Variants in ZBTB44 observed in about 807,000 individuals in gnomAD.
ZBTB44 encodes the protein zinc finger and BTB domain-containing protein 44.
In ZBTB44, 15 loss-of-function variants were observed where a neutral mutation model predicts 54.0. The ratio of observed to expected loss-of-function variants is 0.28; its 90% CI spans 0.19 to 0.43. The LOEUF is 0.43. Among genes scored for constraint, ZBTB44 ranks in the 20% least tolerant of loss-of-function variants. ZBTB44 has a pLI of 1.00. For synonymous variants in ZBTB44, 230 were observed against 250.1 expected (o/e 0.92, Z 0.76); for missense variants, 487 against 707.1 (o/e 0.69, Z 3.53).
intron 1 of ZBTB44, among the ~76,000 whole-genome samples, chr11:130,297,203 T>TC (rs1478468664): frequency 3.3e-5 from 5 of 152,340 alleles, no homozygotes; most frequent in Admixed American, 2.6e-4. Context: ...CACTGTAACT[T>TC]CTATCAAGTC....
At chr11:130,276,376 C>T (rs1940100081) in intron 1 of ZBTB44, among the ~76,000 whole-genome samples, 1 of 151,318 alleles carries the variant, frequency 6.6e-6, no homozygotes, top group African/African-American at 2.4e-5. Flanking sequence ...TCAGTTAGGT[C>T]TAGTTGGTTT....
chr11:130,234,847 C>T (rs989675533), intron 5 of ZBTB44, among the ~76,000 whole-genome samples: 2 of 152,084 alleles, frequency 1.3e-5, no homozygotes, highest in African/African-American at 2.4e-5. Context: ...GAAATGAATG[C>T]CTTGAGATTG....
chr11:130,306,855 C>CAT (rs1479570044), intron 1 of ZBTB44, among the ~76,000 whole-genome samples: 2 of 151,986 alleles, frequency 1.3e-5, no homozygotes, highest in African/African-American at 2.4e-5. Context: ...GACGCAAAAG[C>CAT]ATATGAAGGA....
chr11:130,239,741 G>C, intron 3 of ZBTB44, 71 bp downstream of exon 3: 1 of 1,250,660 alleles, frequency 8.0e-7, no homozygotes, highest in East Asian at 2.4e-5. Context: ...CAACTCTTGA[G>C]ATGAAATGCT....
intron 2 of ZBTB44, among the ~76,000 whole-genome samples, chr11:130,242,753 A>G (rs2136306323): frequency 6.6e-6 from 1 of 152,156 alleles, no homozygotes; most frequent in South Asian, 2.1e-4. Flanking sequence ...TTTCTCTACA[A>G]TGTATCTAGG....
intron 1 of ZBTB44, among the ~76,000 whole-genome samples, chr11:130,293,377 G>A (rs1185335677): frequency 1.3e-5 from 2 of 151,540 alleles, no homozygotes; most frequent in Non-Finnish European, 2.9e-5. Context: ...AAGAGGCTGA[G>A]GCAGGAGGAT....
chr11:130,240,238 C>G (rs1954303085), intron 2 of ZBTB44, among the ~76,000 whole-genome samples: 1 of 152,012 alleles, frequency 6.6e-6, no homozygotes, highest in South Asian at 2.1e-4. Flanking sequence ...GACAGGGTTT[C>G]ACTGTGTTAG....
chr11:130,303,378 T>C (rs1045493165), intron 1 of ZBTB44, among the ~76,000 whole-genome samples: 4 of 152,192 alleles, frequency 2.6e-5, no homozygotes, highest in African/African-American at 9.7e-5. Context: ...GCTCACACGT[T>C]TAATCCCGGC....
rs994223469 is a variant in ZBTB44, at chr11:130,228,634, G to T, written c.*3130C>A. 2.6e-5 allele frequency: 4 copies of T among 152,174 alleles called. No homozygotes were observed. Among genetic ancestry groups the T allele is most frequent in the African/African-American group, 9.7e-5 (4 of 41,442 alleles). The allele number at this position is 152,174 out of a possible 1,614,324, so 9.4% of individuals were successfully genotyped here. On this transcript the variant is annotated 3_prime_UTR_variant, in exon 8 of 8. Transcript: ENST00000357899. ...GAGATGACAGGGCTCCCTTAAAGCAGGAAGATTTATCCTTCCTCAGCAGGT... is the reference window on the plus strand; with the variant it reads ...GAGATGACAGGGCTCCCTTAAAGCATGAAGATTTATCCTTCCTCAGCAGGT...
Position 130,303,860 on chromosome 11 carries a change from CTAAT to C in ZBTB44, c.-57+10511_-57+10514del, listed in dbSNP as rs578066864. 1.0e-3 allele frequency among the ~76,000 whole-genome samples: 152 copies of C among 152,022 alleles called. No homozygotes were observed. The Middle Eastern group carries it at 0.01, about 10-fold the overall frequency. On this transcript the variant is annotated intron_variant, in intron 1 of 7. Transcript: ENST00000357899. ...TGGAGACAAAGAAGGATGTTATTCT[CTAAT>C]TAATAAGCTTCAGCCACCCATTTCA...
chr11:130,264,230 C>G (rs1003723856), intron 1 of ZBTB44, among the ~76,000 whole-genome samples: 1 of 152,178 alleles, frequency 6.6e-6, no homozygotes, highest in Admixed American at 6.6e-5. Context: ...ATAATCAATG[C>G]TATAGAAACA....
intron 4 of ZBTB44, among the ~76,000 whole-genome samples, chr11:130,237,570 G>C (rs1226665266): frequency 6.6e-6 from 1 of 152,188 alleles, no homozygotes; most frequent in Non-Finnish European, 1.5e-5. Flanking sequence ...GAGCATGACA[G>C]AACCATCATT....
rs1054949187 is a variant in ZBTB44, at chr11:130,230,109, C to T, written c.*1655G>A. 3.3e-5 allele frequency: 5 copies of T among 151,930 alleles called. No individual in the cohort carries two copies. The highest frequency in any genetic ancestry group is 4.4e-5 in the Non-Finnish European group (3 of 67,908). The allele number at this position is 151,930 out of a possible 1,614,324, so 9.4% of individuals were successfully genotyped here. On this transcript the variant is annotated 3_prime_UTR_variant, in exon 8 of 8. Coordinates refer to ENST00000357899, the MANE Select transcript of ZBTB44 (RefSeq NM_001301098.2). ...TCTGTTACAGAATTGCCACATTATACAGTAATGTATTTTTCAAGGACTATT... is the reference window on the plus strand; with the variant it reads ...TCTGTTACAGAATTGCCACATTATATAGTAATGTATTTTTCAAGGACTATT...
At chr11:130,257,433 A>G (rs1292136884) in intron 2 of ZBTB44, among the ~76,000 whole-genome samples, 1 of 152,044 alleles carries the variant, frequency 6.6e-6, no homozygotes, top group Non-Finnish European at 1.5e-5. Flanking sequence ...CAAAACAGAG[A>G]GACAGGGAAG....
chr11:130,306,678 A>G (rs1334199529), intron 1 of ZBTB44, among the ~76,000 whole-genome samples: 1 of 152,184 alleles, frequency 6.6e-6, no homozygotes, highest in Admixed American at 6.5e-5. Context: ...TCAAACAACG[A>G]GCAGATAAAG....
chr11:130,299,637 TA>T (rs58746791), intron 1 of ZBTB44, among the ~76,000 whole-genome samples: 79 of 138,918 alleles, frequency 5.7e-4, no homozygotes, highest in African/African-American at 4.5e-4. Flanking sequence ...AATGTAATAG[TA>T]AAAAAAAAAA....
In ZBTB44 at chr11:130,263,748, G is replaced by A. The variant is rs79665406; in HGVS notation, c.-56-1819C>T. 6.2e-3 allele frequency among the ~76,000 whole-genome samples: 946 copies of A among 152,292 alleles called. 3 individuals carry two copies. The highest frequency in any genetic ancestry group is 0.021 in the Middle Eastern group (6 of 292). On this transcript the variant is annotated intron_variant, in intron 1 of 7. Transcript: ENST00000357899. ...TTACATCCACCTTCAGTCATCTTCC[G>A]TGTTCAAAGAGTAGATATGAAAAGG...
intron 1 of ZBTB44, among the ~76,000 whole-genome samples, chr11:130,298,463 T>G (rs1268519296): frequency 4.4e-4 from 65 of 147,394 alleles, no homozygotes; most frequent in African/African-American, 1.4e-3. Context: ...AAGTTTTTTT[T>G]TTTTTTTTTT....
At chr11:130,256,589 T>C (rs187747841) in intron 2 of ZBTB44, among the ~76,000 whole-genome samples, 2 of 152,028 alleles carry the variant, frequency 1.3e-5, no homozygotes, top group Non-Finnish European at 1.5e-5. Flanking sequence ...GGCAGAAGAA[T>C]TGCTTGAATG....
Sources: gnomAD v4.1 joint callset for allele counts (sites outside exome capture counted in the v4.1 genomes callset) on GRCh38, gnomAD v4.1.1 for gene constraint, MANE v1.5 for transcripts, NCBI Gene and HGNC (gene_info 2026-07-23, HGNC 2026-07-21) for gene names.